The following PLOD2 variants were observed in gnomAD, a reference collection of about 807,000 sequenced individuals.
The protein encoded by PLOD2 is procollagen-lysine,2-oxoglutarate 5-dioxygenase 2, also known as lysine hydroxylase 2.
Under a neutral mutation model 101.0 loss-of-function variants are expected in PLOD2, and 65 were observed. The observed-to-expected ratio is 0.64, with a 90% CI of 0.53 to 0.79. The LOEUF (loss-of-function observed/expected upper bound fraction) is 0.79, where lower values mean the gene tolerates loss of function less well. Among genes scored for constraint, PLOD2 ranks in the 30% least tolerant of loss-of-function variants. The pLI, the probability that PLOD2 is intolerant of heterozygous loss-of-function variation, is 0.00. For synonymous variants in PLOD2, 314 were observed against 302.9 expected (o/e 1.04, Z -0.38); for missense variants, 909 against 914.6 (o/e 0.99, Z 0.08).
rs1553733068 is a variant in PLOD2 at position 146,096,881 on chromosome 3, G to GGGGGGGA, written c.778-4981_778-4980insTCCCCCC. On this transcript the variant is annotated intron_variant, in intron 7 of 19. Transcript: ENST00000282903. The stretch of plus-strand genomic sequence containing the variant: ...CAGCTGCCCCGTCCGGGAGGGAGGT[G>GGGGGGGA]GGGGGGGGGAGTCGGCCAGCCGCCC... 2.1e-3 allele frequency among the ~76,000 whole-genome samples: 155 copies of GGGGGGGA among 72,260 alleles called. 19 individuals are homozygous for GGGGGGGA. The highest frequency in any genetic ancestry group is 3.7e-3 in the East Asian group (7 of 1,890). The allele number at this position is 72,260 out of a possible 152,430, so 47.4% of individuals were successfully genotyped here. A position where few individuals can be genotyped will look rare whatever the true frequency, so the allele number is the denominator to read the frequency against.
At chr3:146,100,550 T>A (rs559699865) in intron 7 of PLOD2, among the ~76,000 whole-genome samples, 348 of 152,276 alleles carry the variant, frequency 2.3e-3, no homozygotes, top group African/African-American at 8.0e-3. Context: ...CAGGTAGAGA[T>A]GCAGCAGGTG....
In PLOD2 at chr3:146,160,960, C is replaced by T. The variant is rs749515002; in HGVS notation, c.30G>A (p.Leu10=). 2.9e-5 allele frequency: 46 copies of T among 1,597,664 alleles called. No homozygotes were observed. Among genetic ancestry groups the T allele is most frequent in the Non-Finnish European group, 3.7e-5 (43 of 1,172,508 alleles). Reference sequence around the variant, plus strand: ...GGTGGAGGACGAGCGCCAGGAGCAGCAGCTGAGGCTTCACCGTGCATCCCC... The same window carrying T: ...GGTGGAGGACGAGCGCCAGGAGCAGTAGCTGAGGCTTCACCGTGCATCCCC... MGGCTVKPQ[L]LLLALVLHPW... The change falls in exon 1 of 20, where the codon CTG becomes CTA. Residue 10 remains leucine (L), a synonymous_variant. Transcript: ENST00000282903.
At chr3:146,133,041 T>G (rs2031011831) in intron 1 of PLOD2, among the ~76,000 whole-genome samples, 1 of 152,060 alleles carries the variant, frequency 6.6e-6, no homozygotes, top group East Asian at 1.9e-4. Flanking sequence ...CCGGGTGTGG[T>G]GGCTGGCACC....
intron 1 of PLOD2, among the ~76,000 whole-genome samples, chr3:146,147,106 T>C (rs1157978765): frequency 3.3e-5 from 5 of 152,134 alleles, no homozygotes; most frequent in Non-Finnish European, 5.9e-5. Context: ...TTAGTTCATA[T>C]GAAAAGACTG....
Position 146,102,863 on chromosome 3 carries a change from AAGAGAAAAT to A in PLOD2, c.680-20_680-12del. 1 of 1,379,788 alleles carries A rather than the reference AAGAGAAAAT, an allele frequency of 7.2e-7. No homozygotes were observed. The highest frequency in any genetic ancestry group is 1.0e-6 in the Non-Finnish European group (1 of 966,644). The allele number at this position is 1,379,788 out of a possible 1,614,324, so 85.5% of individuals were successfully genotyped here. On this transcript the variant is annotated splice_polypyrimidine_tract_variant and intron_variant, in intron 6 of 19. Transcript: ENST00000282903. The stretch of plus-strand genomic sequence containing the variant: ...TTAAAACAACTTCATCTGGGTTAAA[AAGAGAAAAT>A]AGGCTTTAGTAATTTAAAATACGTG...
chr3:146,103,522 C>A (rs1316857178), intron 6 of PLOD2, among the ~76,000 whole-genome samples: 3 of 150,922 alleles, frequency 2.0e-5, no homozygotes, highest in Non-Finnish European at 4.4e-5. Flanking sequence ...TGCAAGGACA[C>A]AATCACAGGT....
At chr3:146,109,382 C>A (rs1053643711) in intron 4 of PLOD2, among the ~76,000 whole-genome samples, 1 of 152,120 alleles carries the variant, frequency 6.6e-6, no homozygotes, top group Non-Finnish European at 1.5e-5. Flanking sequence ...AAATAAAGTG[C>A]AGGTGCAAAG....
chr3:146,129,902 C>T (rs907292536), intron 1 of PLOD2, among the ~76,000 whole-genome samples: 2 of 152,302 alleles, frequency 1.3e-5, no homozygotes, highest in Non-Finnish European at 2.9e-5. Context: ...CAGGTTTCTG[C>T]AATCGTCTCT....
chr3:146,118,195 ATTCTTT>A (rs1938007359), intron 3 of PLOD2, among the ~76,000 whole-genome samples: 1 of 152,096 alleles, frequency 6.6e-6, no homozygotes, highest in Admixed American at 6.6e-5. Flanking sequence ...TGAACTTGGT[ATTCTTT>A]TTCTAAGTGT....
intron 5 of PLOD2, chr3:146,105,129 T>C (rs1177478352): frequency 6.6e-6 from 1 of 152,192 alleles, no homozygotes; most frequent in Non-Finnish European, 1.5e-5. Context: ...CCTAACAGCC[T>C]TGTGCTCCCT....
At chr3:146,076,480 G>T in intron 15 of PLOD2, 1 of 206,776 alleles carries the variant, frequency 4.8e-6, no homozygotes, top group East Asian at 1.3e-4. Flanking sequence ...GGAATTGCTG[G>T]GTCAAATGGT....
chr3:146,161,074 C>G lies in PLOD2; in HGVS notation c.-85G>C. The G allele has an allele frequency of 1.2e-6, 1 of 828,466 alleles. No homozygotes were observed. The highest frequency in any genetic ancestry group is 1.8e-6 in the Non-Finnish European group (1 of 570,992). 51.3% of individuals were successfully genotyped at this position (828,466 alleles called of 1,614,324 possible). A position where few individuals can be genotyped will look rare whatever the true frequency, so the allele number is the denominator to read the frequency against. ...TCGCGAGAACGCAGAGACCCGGGTC[C>G]GCCCTGAGCCGCCGATTGCGGGCGG... On this transcript the variant is annotated 5_prime_UTR_variant, in exon 1 of 20. Coordinates refer to ENST00000282903, the MANE Select transcript of PLOD2 (RefSeq NM_182943.3).
In PLOD2 at chr3:146,127,452, C is replaced by T. The variant is rs564137549; in HGVS notation, c.110-3223G>A. 1.3e-3 allele frequency among the ~76,000 whole-genome samples: 197 copies of T among 152,184 alleles called. 1 individual carries two copies. Among genetic ancestry groups the T allele is most frequent in the Non-Finnish European group, 2.0e-3 (139 of 68,010 alleles). ...GCATTCGGTTTTCCAAGTTAGCTCA[C>T]ATAGGATAATGGCCTCCAGCTCCAT... On this transcript the variant is annotated intron_variant, in intron 1 of 19. Transcript: ENST00000282903.
chr3:146,160,147 G>A (rs376152340), intron 1 of PLOD2, among the ~76,000 whole-genome samples: 1 of 152,332 alleles, frequency 6.6e-6, no homozygotes, highest in East Asian at 1.9e-4. Flanking sequence ...TTTTTCATGT[G>A]CCACAAAAGG....
At chr3:146,136,492 C>G (rs1472358473) in intron 1 of PLOD2, among the ~76,000 whole-genome samples, 1 of 152,082 alleles carries the variant, frequency 6.6e-6, no homozygotes, top group Non-Finnish European at 1.5e-5. Context: ...ATGAAACATA[C>G]ACGAATTTCA....
chr3:146,085,326 G>T, intron 10 of PLOD2, 53 bp from the exon 11 acceptor site: 3 of 887,110 alleles, frequency 3.4e-6, no homozygotes, highest in Non-Finnish European at 5.8e-6. Flanking sequence ...AATATCTGCT[G>T]ACTGAAAAAT....
rs904784190 is a variant in PLOD2 at position 146,128,161 on chromosome 3, A to T, written c.110-3932T>A. ...TATAATTTAAATAACTATAATTAAT[A>T]CCTTTTCCAATCCACCCTCCACAAG... On this transcript the variant is annotated intron_variant, in intron 1 of 19. Coordinates refer to ENST00000282903, the MANE Select transcript of PLOD2 (RefSeq NM_182943.3). Among the ~76,000 whole-genome samples the T allele has an allele frequency of 5.3e-5, 8 of 152,298 alleles. No homozygotes were observed. The East Asian group carries it at 1.4e-3, about 26-fold the overall frequency.
chr3:146,150,020 AAACACATGTAG>A (rs1230698235), intron 1 of PLOD2, among the ~76,000 whole-genome samples: 1 of 152,182 alleles, frequency 6.6e-6, no homozygotes, highest in Non-Finnish European at 1.5e-5. Flanking sequence ...CTAAAGATGC[AAACACATGTAG>A]AACAAATGCT....
intron 12 of PLOD2, among the ~76,000 whole-genome samples, chr3:146,080,218 G>A (rs1312063695): frequency 6.7e-6 from 1 of 148,330 alleles, no homozygotes; most frequent in Non-Finnish European, 1.5e-5. Context: ...AGTAACAAAC[G>A]CTACACATAC....
Sources: gnomAD v4.1 joint callset for allele counts (sites outside exome capture counted in the v4.1 genomes callset) on GRCh38, gnomAD v4.1.1 for gene constraint, MANE v1.5 for transcripts, NCBI Gene and HGNC (gene_info 2026-07-23, HGNC 2026-07-21) for gene names.